Variants in ALX4 observed in about 807,000 individuals in gnomAD.
The protein encoded by ALX4 is ALX homeobox 4.
In ALX4, 22 loss-of-function variants were observed where a neutral mutation model predicts 40.6. That is an observed-to-expected ratio of 0.54 (90% CI 0.39 to 0.77). ALX4 has a LOEUF of 0.77. Among genes scored for constraint, ALX4 ranks in the 30% least tolerant of loss-of-function variants. ALX4 has a pLI of 0.00. For missense variants in ALX4, 556 were observed against 564.8 expected, an observed-to-expected ratio of 0.98 and a Z score of 0.16; for synonymous variants, 266 against 240.5, an observed-to-expected ratio of 1.11 and a Z score of -0.98.
intron 2 of ALX4, among the ~76,000 whole-genome samples, chr11:44,274,797 T>C (rs1190996917): frequency 6.6e-6 from 1 of 152,174 alleles, no homozygotes; most frequent in Non-Finnish European, 1.5e-5. Flanking sequence ...TGGCTGGTAA[T>C]AGGGGGGCTA....
intron 1 of ALX4, among the ~76,000 whole-genome samples, chr11:44,304,397 C>A (rs754475883): frequency 2.6e-4 from 39 of 152,186 alleles, no homozygotes; most frequent in Admixed American, 9.8e-4. Flanking sequence ...GCAGGAAGTT[C>A]TCTCTGGTTA....
In ALX4 at chr11:44,275,357, G is replaced by A; in HGVS notation, c.768C>T (p.Ala256=). Residue 256 remains alanine (A), a synonymous_variant, in exon 2 of 4, where the codon GCC becomes GCT. Coordinates refer to ENST00000652299, the MANE Select transcript of ALX4 (RefSeq NM_021926.4). ...QLAMRTDLTE[A]RVQVWFQNRR... The stretch of plus-strand genomic sequence containing the variant: ...GGTGGCCCTCACTGACCTGCACGCG[G>A]GCCTCAGTGAGGTCTGTCCTCATGG... 1 of 1,614,168 alleles carries A rather than the reference G, an allele frequency of 6.2e-7. No individual in the cohort carries two copies. Among genetic ancestry groups the A allele is most frequent in the Non-Finnish European group, 8.5e-7 (1 of 1,180,034 alleles).
intron 1 of ALX4, among the ~76,000 whole-genome samples, chr11:44,309,371 A>G (rs1316855086): frequency 6.6e-6 from 1 of 152,240 alleles, no homozygotes; most frequent in African/African-American, 2.4e-5. Flanking sequence ...ACAAACTCCA[A>G]GTCGAGTTTA....
At chr11:44,302,657 A>G (rs1956441283) in intron 1 of ALX4, among the ~76,000 whole-genome samples, 1 of 144,452 alleles carries the variant, frequency 6.9e-6, no homozygotes, top group Non-Finnish European at 1.5e-5. Context: ...CCTGGTCACA[A>G]AGACACTTGC....
chr11:44,275,927 G>A (rs1429779568), intron 1 of ALX4, among the ~76,000 whole-genome samples: 3 of 152,160 alleles, frequency 2.0e-5, no homozygotes, highest in Admixed American at 6.5e-5. Flanking sequence ...GTGAACCTAA[G>A]GCAGCCAATC....
intron 1 of ALX4, among the ~76,000 whole-genome samples, chr11:44,288,148 A>C (rs992431283): frequency 3.9e-5 from 6 of 152,096 alleles, no homozygotes; most frequent in Non-Finnish European, 5.9e-5. Context: ...TCGACCTCCC[A>C]AAGTGCTGGG....
intron 1 of ALX4, among the ~76,000 whole-genome samples, chr11:44,301,861 G>A (rs139631997): frequency 9.8e-5 from 15 of 152,328 alleles, no homozygotes; most frequent in Non-Finnish European, 1.5e-4. Context: ...CGTCTCTTCC[G>A]CAGTGAGCCA....
At chr11:44,307,087 G>A (rs1328098146) in intron 1 of ALX4, among the ~76,000 whole-genome samples, 1 of 152,068 alleles carries the variant, frequency 6.6e-6, no homozygotes, top group African/African-American at 2.4e-5. Flanking sequence ...GCAGTGGCAG[G>A]GACTTGCCCT....
In ALX4 at chr11:44,283,101, G is replaced by A. The variant is rs115043895; in HGVS notation, c.467-7443C>T. On this transcript the variant is annotated intron_variant, in intron 1 of 3. Coordinates refer to ENST00000652299, the MANE Select transcript of ALX4 (RefSeq NM_021926.4). ...ATCTCTACTAAAAATACAAAAATTC[G>A]TCGGGCATGGTGGCAGCCACCTATA... Among the ~76,000 whole-genome samples the A allele has an allele frequency of 6.5e-3, 985 of 152,024 alleles. 10 individuals are homozygous for A. The highest frequency in any genetic ancestry group is 0.022 in the African/African-American group (901 of 41,440).
At chr11:44,293,144 GA>G (rs1565007424) in intron 1 of ALX4, among the ~76,000 whole-genome samples, 1,615 of 75,548 alleles carry the variant, frequency 0.021, 129 homozygotes, top group African/African-American at 0.066. Flanking sequence ...AGGAAGGAAG[GA>G]AGGAAGGAAG....
intron 1 of ALX4, among the ~76,000 whole-genome samples, chr11:44,287,029 CCT>C (rs1383402793): frequency 6.6e-6 from 1 of 152,194 alleles, no homozygotes; most frequent in Non-Finnish European, 1.5e-5. Context: ...CTAGGACACC[CCT>C]GTCGTTTGGC....
At chr11:44,294,650 T>C (rs1018938427) in intron 1 of ALX4, among the ~76,000 whole-genome samples, 16 of 151,988 alleles carry the variant, frequency 1.1e-4, no homozygotes, top group African/African-American at 3.6e-4. Context: ...ACAGTAATCA[T>C]AGATTCAGTA....
chr11:44,300,331 T>C (rs1201099444), intron 1 of ALX4, among the ~76,000 whole-genome samples: 1 of 152,188 alleles, frequency 6.6e-6, no homozygotes, highest in Non-Finnish European at 1.5e-5. Context: ...TAGAGCTATG[T>C]GCATGTTTGT....
intron 2 of ALX4, among the ~76,000 whole-genome samples, chr11:44,268,529 G>A (rs1351336030): frequency 1.3e-5 from 2 of 152,178 alleles, no homozygotes; most frequent in African/African-American, 4.8e-5. Flanking sequence ...GGAGCCCAAC[G>A]GGGGAGGGGA....
chr11:44,298,410 C>A (rs1471960057), intron 1 of ALX4, among the ~76,000 whole-genome samples: 1 of 152,162 alleles, frequency 6.6e-6, no homozygotes, highest in Non-Finnish European at 1.5e-5. Context: ...AGGGCTGCAT[C>A]CCTTGCAGGT....
Position 44,309,821 on chromosome 11 carries a change from G to C in ALX4, c.242C>G (p.Ala81Gly). The C allele has an allele frequency of 6.4e-7, 1 of 1,553,370 alleles. No individual in the cohort carries two copies. The highest frequency in any genetic ancestry group is 8.7e-7 in the Non-Finnish European group (1 of 1,148,236). The change falls in exon 1 of 4, where the codon GCT becomes GGT. Residue 81 changes from alanine to glycine, a missense_variant. Coordinates refer to ENST00000652299, the MANE Select transcript of ALX4 (RefSeq NM_021926.4). ...CTTGTTAAAGGAGCCCCGCGCCCCA[G>C]CTCCACTCTCCAGGGGTGTCGCCAG... ...QDLATPLESG[A>G]GARGSFNKFQ...
At chr11:44,292,825 G>A (rs1223978968) in intron 1 of ALX4, among the ~76,000 whole-genome samples, 5 of 151,988 alleles carry the variant, frequency 3.3e-5, no homozygotes, top group African/African-American at 4.8e-5. Flanking sequence ...GCCCCGCATG[G>A]TAGCTCATGC....
intron 1 of ALX4, among the ~76,000 whole-genome samples, chr11:44,305,929 G>T (rs1171492542): frequency 6.6e-6 from 1 of 152,262 alleles, no homozygotes; most frequent in Non-Finnish European, 1.5e-5. Flanking sequence ...AGTACGCGCC[G>T]GCTGCAGCTC....
chr11:44,280,833 T>C (rs1382982327), intron 1 of ALX4, among the ~76,000 whole-genome samples: 2 of 152,226 alleles, frequency 1.3e-5, no homozygotes, highest in Non-Finnish European at 2.9e-5. Flanking sequence ...AGTTCAAGGT[T>C]GTATTCTCAA....
Sources: allele counts gnomAD v4.1 joint callset (sites outside exome capture counted in the v4.1 genomes callset), GRCh38; gene constraint gnomAD v4.1.1; transcripts MANE v1.5; gene names NCBI Gene and HGNC (gene_info 2026-07-23, HGNC 2026-07-21).